The following FRAS1 variants were observed in gnomAD, a reference collection of about 807,000 sequenced individuals.
The protein encoded by FRAS1 is extracellular matrix organizing protein FRAS1.
Under a neutral mutation model 435.2 loss-of-function variants are expected in FRAS1, and 290 were observed. The ratio of observed to expected loss-of-function variants is 0.67; its 90% CI spans 0.61 to 0.73. The LOEUF (loss-of-function observed/expected upper bound fraction) is 0.73, where lower values mean the gene tolerates loss of function less well. FRAS1 is among the 30% of genes least tolerant of loss of function. The probability of loss-of-function intolerance (pLI) is 0.00; values close to 1 mark genes in which losing one functional copy is unlikely to be tolerated. For synonymous variants in FRAS1, 1,800 were observed against 1,851.0 expected, an observed-to-expected ratio of 0.97 and a Z score of 0.71; for missense variants, 4,860 against 5,001.5, an observed-to-expected ratio of 0.97 and a Z score of 0.85.
intron 26 of FRAS1, among the ~76,000 whole-genome samples, chr4:78,376,619 A>G (rs1323890401): frequency 6.6e-6 from 1 of 152,172 alleles, no homozygotes; most frequent in Non-Finnish European, 1.5e-5. Context: ...TAAATAACAA[A>G]TAGTATGAGG....
At chr4:78,195,353 T>C (rs1254412720) in intron 2 of FRAS1, among the ~76,000 whole-genome samples, 8 of 152,230 alleles carry the variant, frequency 5.3e-5, no homozygotes, top group African/African-American at 1.9e-4. Flanking sequence ...TTGTTTGGCA[T>C]TGCCCTGCCC....
At chr4:78,520,169 C>G (rs1189660310) in intron 67 of FRAS1, among the ~76,000 whole-genome samples, 3 of 152,132 alleles carry the variant, frequency 2.0e-5, no homozygotes, top group Non-Finnish European at 4.4e-5. Flanking sequence ...CTACCTCCTC[C>G]TACTGCTTCC....
At chr4:78,450,364 C>A in intron 45 of FRAS1, 25 bp downstream of exon 45, 1 of 1,602,018 alleles carries the variant, frequency 6.2e-7, no homozygotes, top group South Asian at 1.1e-5. Flanking sequence ...TTCTGCCTAC[C>A]AGGCTTCCGT....
intron 2 of FRAS1, among the ~76,000 whole-genome samples, chr4:78,099,608 C>A (rs1578122575): frequency 2.6e-5 from 4 of 152,338 alleles, no homozygotes; most frequent in South Asian, 2.1e-4. Context: ...CATTCATAAT[C>A]TTACTCATAA....
At chr4:78,409,892 G>A (rs965497183) in intron 31 of FRAS1, among the ~76,000 whole-genome samples, 10 of 152,062 alleles carry the variant, frequency 6.6e-5, no homozygotes, top group African/African-American at 9.7e-5. Flanking sequence ...CATCTTCATC[G>A]CCTGACTAAT....
intron 29 of FRAS1, among the ~76,000 whole-genome samples, chr4:78,388,331 C>CAAAAAAAAAA (rs71661163): frequency 7.5e-5 from 7 of 93,198 alleles, no homozygotes; most frequent in Non-Finnish European, 7.4e-5. Flanking sequence ...TCTCAAAAAC[C>CAAAAAAAAAA]AAAAAAAAAA....
intron 2 of FRAS1, among the ~76,000 whole-genome samples, chr4:78,114,164 C>T (rs569243739): frequency 6.6e-6 from 1 of 152,126 alleles, no homozygotes; most frequent in African/African-American, 2.4e-5. Context: ...CTTCTGAGGG[C>T]TCTGTTCTGT....
chr4:78,293,156 A>G (rs1240918754), intron 14 of FRAS1, among the ~76,000 whole-genome samples: 2 of 152,196 alleles, frequency 1.3e-5, no homozygotes, highest in African/African-American at 4.8e-5. Context: ...CAAATAAACA[A>G]GATAATATTA....
intron 22 of FRAS1, among the ~76,000 whole-genome samples, chr4:78,366,778 G>C (rs933437127): frequency 9.9e-5 from 15 of 152,122 alleles, no homozygotes; most frequent in African/African-American, 3.6e-4. Context: ...GCTACTCCAG[G>C]TGTGGCCACA....
In FRAS1 at chr4:78,327,226, A is replaced by C. The variant is rs1025523770; in HGVS notation, c.2138-6046A>C. Among the ~76,000 whole-genome samples the C allele has an allele frequency of 4.6e-5, 7 of 152,098 alleles. No individual in the cohort carries two copies. In the East Asian group the frequency reaches 1.2e-3, roughly 25 times the overall value. On this transcript the variant is annotated intron_variant, in intron 18 of 73. Transcript: ENST00000512123. ...GCCAGAGCAAGACCCTTTCACCAAG[A>C]AGAAAACAAAAAGTAACGAGAAGAA...
intron 14 of FRAS1, among the ~76,000 whole-genome samples, chr4:78,298,359 A>G (rs1444942453): frequency 6.6e-6 from 1 of 151,746 alleles, no homozygotes; most frequent in East Asian, 1.9e-4. Flanking sequence ...AAATACACAC[A>G]CCTTATAATA....
chr4:78,276,798 G>A (rs575108894), intron 9 of FRAS1, among the ~76,000 whole-genome samples: 57 of 152,360 alleles, frequency 3.7e-4, no homozygotes, highest in Middle Eastern at 6.8e-3. Context: ...TCCATTCTCA[G>A]ATCTCAAATT....
At chr4:78,354,041 A>T in intron 20 of FRAS1, among the ~76,000 whole-genome samples, 1 of 7,020 alleles carries the variant, frequency 1.4e-4, no homozygotes, top group East Asian at 1.2e-3. Context: ...AAAAAAAAAA[A>T]AAAGCTTCAA....
chr4:78,345,595 C>CT (rs1403889890), intron 20 of FRAS1, among the ~76,000 whole-genome samples: 2 of 151,520 alleles, frequency 1.3e-5, no homozygotes, highest in Non-Finnish European at 2.9e-5. Context: ...TCCTTATCTT[C>CT]TTTTTTTGTG....
chr4:78,299,790 A>G (rs1728304401), intron 14 of FRAS1, among the ~76,000 whole-genome samples: 2 of 152,178 alleles, frequency 1.3e-5, no homozygotes, highest in Non-Finnish European at 1.5e-5. Context: ...TTGTCTTTTC[A>G]GCCTCACTTT....
chr4:78,087,940 G>A (rs1339865466), intron 2 of FRAS1, among the ~76,000 whole-genome samples: 1 of 152,052 alleles, frequency 6.6e-6, no homozygotes, highest in Non-Finnish European at 1.5e-5. Context: ...AAGTTCATAT[G>A]GAACCAAAAA....
intron 2 of FRAS1, among the ~76,000 whole-genome samples, chr4:78,144,487 A>T (rs1720333438): frequency 6.6e-6 from 1 of 151,444 alleles, no homozygotes; most frequent in Non-Finnish European, 1.5e-5. Flanking sequence ...TTTTGTTTGT[A>T]TTAATTTTAA....
chr4:78,304,487 T>A (rs935257376), intron 14 of FRAS1, among the ~76,000 whole-genome samples: 10 of 152,176 alleles, frequency 6.6e-5, no homozygotes, highest in Non-Finnish European at 1.0e-4. Context: ...TGTGAATCCA[T>A]CTGGTTCTGG....
At chr4:78,298,003 C>CTCT (rs1728214991) in intron 14 of FRAS1, among the ~76,000 whole-genome samples, 1 of 119,274 alleles carries the variant, frequency 8.4e-6, no homozygotes, top group Non-Finnish European at 1.7e-5. Context: ...TTAATTTGTT[C>CTCT]CTCTCTCTCT....
Sources: gnomAD v4.1 joint callset for allele counts (sites outside exome capture counted in the v4.1 genomes callset) on GRCh38, gnomAD v4.1.1 for gene constraint, MANE v1.5 for transcripts, NCBI Gene and HGNC (gene_info 2026-07-23, HGNC 2026-07-21) for gene names.